Variants in LRRC4C observed in about 807,000 individuals in gnomAD.
LRRC4C encodes the protein leucine rich repeat containing 4C.
Under a neutral mutation model 33.6 loss-of-function variants are expected in LRRC4C, and 5 were observed. The ratio of observed to expected loss-of-function variants is 0.15; its 90% CI spans 0.08 to 0.31. The LOEUF is 0.31. LRRC4C is among the 10% of genes least tolerant of loss of function. LRRC4C has a pLI of 1.00. For missense variants in LRRC4C, 560 were observed against 796.7 expected, an observed-to-expected ratio of 0.70 and a Z score of 3.58; for synonymous variants, 329 against 302.0, an observed-to-expected ratio of 1.09 and a Z score of -0.93.
At chr11:41,354,931 G>A (rs1952106299) in intron 1 of LRRC4C, among the ~76,000 whole-genome samples, 1 of 152,040 alleles carries the variant, frequency 6.6e-6, no homozygotes, top group Non-Finnish European at 1.5e-5. Context: ...TCTGGACATA[G>A]GCCTTGGGAA....
chr11:40,688,746 AT>A (rs1336936196), intron 2 of LRRC4C, among the ~76,000 whole-genome samples: 8 of 152,110 alleles, frequency 5.3e-5, no homozygotes, highest in Non-Finnish European at 7.4e-5. Context: ...CAGGACAGAT[AT>A]TTAGAAGACG....
intron 1 of LRRC4C, among the ~76,000 whole-genome samples, chr11:41,324,638 T>C (rs749984443): frequency 2.0e-5 from 3 of 152,144 alleles, no homozygotes; most frequent in Non-Finnish European, 4.4e-5. Context: ...GTTCTCCAGA[T>C]GATTAGGACT....
At chr11:40,768,902 G>A (rs934907311) in intron 2 of LRRC4C, among the ~76,000 whole-genome samples, 2 of 151,960 alleles carry the variant, frequency 1.3e-5, no homozygotes, top group Admixed American at 1.3e-4. Context: ...AATACTAAAA[G>A]TCTTTCCTCT....
intron 5 of LRRC4C, among the ~76,000 whole-genome samples, chr11:40,161,112 T>C (rs1460353187): frequency 6.6e-6 from 1 of 152,186 alleles, no homozygotes; most frequent in East Asian, 1.9e-4. Context: ...ACTTGGTTTA[T>C]GAATAAGTTT....
At chr11:40,837,758 T>A (rs1014221633) in intron 2 of LRRC4C, among the ~76,000 whole-genome samples, 2 of 149,738 alleles carry the variant, frequency 1.3e-5, no homozygotes, top group Admixed American at 1.3e-4. Flanking sequence ...GCTGAAGAGG[T>A]AGGATTGCTT....
intron 2 of LRRC4C, among the ~76,000 whole-genome samples, chr11:40,747,234 A>T (rs1948474332): frequency 6.6e-6 from 1 of 152,174 alleles, no homozygotes; most frequent in Non-Finnish European, 1.5e-5. Flanking sequence ...AGTCCTGAGG[A>T]AAACTTTGCC....
chr11:40,252,644 T>C (rs1357099094), intron 4 of LRRC4C, among the ~76,000 whole-genome samples: 2 of 152,232 alleles, frequency 1.3e-5, no homozygotes, highest in African/African-American at 4.8e-5. Flanking sequence ...TGGCAAAGAT[T>C]AAAATAGCCC....
intron 1 of LRRC4C, among the ~76,000 whole-genome samples, chr11:40,959,150 G>A (rs1369099783): frequency 1.3e-5 from 2 of 151,564 alleles, no homozygotes; most frequent in East Asian, 3.9e-4. Context: ...GAAGCCTCTC[G>A]AGATGACTCT....
At chr11:40,905,995 T>G (rs1358665736) in intron 2 of LRRC4C, among the ~76,000 whole-genome samples, 1 of 152,170 alleles carries the variant, frequency 6.6e-6, no homozygotes, top group Non-Finnish European at 1.5e-5. Context: ...CTCAACCCAG[T>G]GACAAATTTC....
chr11:40,215,926 G>A (rs1312679684), intron 5 of LRRC4C, among the ~76,000 whole-genome samples: 1 of 152,144 alleles, frequency 6.6e-6, no homozygotes, highest in Non-Finnish European at 1.5e-5. Flanking sequence ...AGGGAAATTT[G>A]CAGAGCATTC....
chr11:40,381,947 A>T (rs890255542), intron 3 of LRRC4C, among the ~76,000 whole-genome samples: 2 of 145,220 alleles, frequency 1.4e-5, no homozygotes, highest in African/African-American at 2.5e-5. Flanking sequence ...AATGTTTATC[A>T]GTCAGCGTTT....
At chr11:40,473,228 G>T (rs1331489820) in intron 3 of LRRC4C, among the ~76,000 whole-genome samples, 1 of 152,156 alleles carries the variant, frequency 6.6e-6, no homozygotes, top group Admixed American at 6.5e-5. Context: ...ACCAAATGCA[G>T]CAGCACATCA....
chr11:40,894,380 TAA>T (rs969298840), intron 2 of LRRC4C, among the ~76,000 whole-genome samples: 2 of 152,158 alleles, frequency 1.3e-5, no homozygotes, highest in African/African-American at 2.4e-5. Context: ...GTTCCAGCGT[TAA>T]GTTTTCTTAG....
At chr11:41,112,228 C>T (rs1483109129) in intron 1 of LRRC4C, among the ~76,000 whole-genome samples, 7 of 152,030 alleles carry the variant, frequency 4.6e-5, no homozygotes, top group Admixed American at 2.6e-4. Flanking sequence ...GTAAGTTCCT[C>T]ACATCCTGAC....
At chr11:40,625,634 T>C (rs1962857861) in intron 3 of LRRC4C, among the ~76,000 whole-genome samples, 1 of 152,130 alleles carries the variant, frequency 6.6e-6, no homozygotes, top group African/African-American at 2.4e-5. Flanking sequence ...GTATAATCTT[T>C]CAAAGTATTC....
intron 2 of LRRC4C, among the ~76,000 whole-genome samples, chr11:40,791,928 A>T (rs1050548756): frequency 1.3e-5 from 2 of 152,128 alleles, no homozygotes; most frequent in Non-Finnish European, 2.9e-5. Flanking sequence ...TATCTGGTAA[A>T]AAAGGCTCTG....
chr11:40,854,771 CATAT>C, intron 2 of LRRC4C, among the ~76,000 whole-genome samples: 1 of 150,800 alleles, frequency 6.6e-6, no homozygotes, highest in South Asian at 2.1e-4. Context: ...ATTTTATACA[CATAT>C]ATAATGTACA....
intron 4 of LRRC4C, among the ~76,000 whole-genome samples, chr11:40,301,570 C>A (rs1590243407): frequency 6.6e-6 from 1 of 152,166 alleles, no homozygotes; most frequent in Non-Finnish European, 1.5e-5. Flanking sequence ...CCATGCAGTG[C>A]AGATTCAAGA....
chr11:40,704,316 T>A (rs1475262437), intron 2 of LRRC4C, among the ~76,000 whole-genome samples: 1 of 152,150 alleles, frequency 6.6e-6, no homozygotes, highest in Non-Finnish European at 1.5e-5. Context: ...GACTATTGTA[T>A]TTATATTTTT....
Sources: gnomAD v4.1 joint callset for allele counts (sites outside exome capture counted in the v4.1 genomes callset) on GRCh38, gnomAD v4.1.1 for gene constraint, MANE v1.5 for transcripts, NCBI Gene and HGNC (gene_info 2026-07-23, HGNC 2026-07-21) for gene names.